ACO2: variants seen among roughly 807,000 people sequenced by gnomAD.
ACO2 encodes aconitase 2.
In ACO2, 31 loss-of-function variants were observed where a neutral mutation model predicts 84.5. The ratio of observed to expected loss-of-function variants is 0.37; its 90% CI spans 0.28 to 0.50. ACO2 has a LOEUF of 0.50. ACO2 is among the 20% of genes least tolerant of loss of function. The pLI, the probability that ACO2 is intolerant of heterozygous loss-of-function variation, is 0.97. For synonymous variants in ACO2, 414 were observed against 412.7 expected (o/e 1.00, Z -0.04); for missense variants, 685 against 1,029.3 (o/e 0.67, Z 4.58).
intron 1 of ACO2, 87 bp downstream of exon 1, chr22:41,469,269 G>C: frequency 2.7e-6 from 4 of 1,497,254 alleles, no homozygotes; most frequent in Middle Eastern, 2.3e-4. Context: ...GGCGAGGCGG[G>C]CCCAACCTGG....
intron 1 of ACO2, among the ~76,000 whole-genome samples, chr22:41,472,332 G>A (rs1205949224): frequency 1.3e-5 from 2 of 149,872 alleles, no homozygotes; most frequent in East Asian, 3.9e-4. Flanking sequence ...CAGCCTGGGT[G>A]ACAGAGTGAG....
In ACO2 at chr22:41,528,383, A is replaced by C; in HGVS notation, c.2209-96A>C. On this transcript the variant is annotated intron_variant, in intron 17 of 17. Coordinates refer to ENST00000216254, the MANE Select transcript of ACO2 (RefSeq NM_001098.3). Reference sequence around the variant, plus strand: ...GATTTGGTTTGCCTGCTGACCTCTTAGGTCCCCAGGCAGTGCCCTGTCTCC... The same window carrying C: ...GATTTGGTTTGCCTGCTGACCTCTTCGGTCCCCAGGCAGTGCCCTGTCTCC... The C allele has an allele frequency of 2.0e-6, 3 of 1,522,374 alleles. No homozygotes were observed. In the Admixed American group the frequency reaches 5.8e-5, roughly 30 times the overall value. The allele number at this position is 1,522,374 out of a possible 1,614,324, so 94.3% of individuals were successfully genotyped here.
chr22:41,518,657 C>T (rs1477990327), intron 8 of ACO2, 85 bp downstream of exon 8: 17 of 1,056,800 alleles, frequency 1.6e-5, no homozygotes, highest in Admixed American at 7.1e-5. Context: ...CACTGAGGGC[C>T]GGGTGGTGGC....
At chr22:41,506,260 T>C (rs1479691059) in intron 2 of ACO2, among the ~76,000 whole-genome samples, 1 of 151,302 alleles carries the variant, frequency 6.6e-6, no homozygotes, top group Non-Finnish European at 1.5e-5. Context: ...GCTCATTCTT[T>C]TTTTTTTTTT....
chr22:41,520,171 C>T lies in ACO2; in HGVS notation c.1033C>T (p.Leu345=). 1 of 1,612,158 alleles carries T rather than the reference C, an allele frequency of 6.2e-7. No homozygotes were observed. The highest frequency in any genetic ancestry group is 8.5e-7 in the Non-Finnish European group (1 of 1,178,602). ...TCTCCTTGCATGTTTGTTTCTTCAG[C>T]TGAAGCCACACATCAATGGGCCCTT... The part of the protein sequence containing the change: ...DQLIEINLSE[L]KPHINGPFTP... Residue 345 remains leucine (L), a splice_region_variant and synonymous_variant, in exon 9 of 18, where the codon CTG becomes TTG. Coordinates refer to ENST00000216254, the MANE Select transcript of ACO2 (RefSeq NM_001098.3).
At chr22:41,522,702 TA>T in intron 9 of ACO2, 127 bp from the exon 10 acceptor site, 4 of 1,074,614 alleles carry the variant, frequency 3.7e-6, no homozygotes, top group South Asian at 1.6e-5. Context: ...TGGTCTCTGT[TA>T]AAAAAGTCTC....
intron 2 of ACO2, among the ~76,000 whole-genome samples, chr22:41,507,001 G>C (rs973606319): frequency 6.6e-6 from 1 of 151,996 alleles, no homozygotes; most frequent in Admixed American, 6.5e-5. Flanking sequence ...GGAGGCTTGT[G>C]GGGAGAAGAC....
Position 41,515,891 on chromosome 22 carries a change from C to A in ACO2, c.809C>A (p.Pro270His), listed in dbSNP as rs17852363. The A allele has an allele frequency of 6.2e-7, 1 of 1,614,152 alleles. No homozygotes were observed. Among genetic ancestry groups the A allele is most frequent in the Non-Finnish European group, 8.5e-7 (1 of 1,179,998 alleles). ...GTGAIVEYHG[P>H]GVDSISCTGM... ...GGTGCAATCGTGGAATACCACGGGCCTGGTGTAGACTCCATCTCCTGCACT... is the reference window on the plus strand; with the variant it reads ...GGTGCAATCGTGGAATACCACGGGCATGGTGTAGACTCCATCTCCTGCACT... The change falls in exon 6 of 18, where the codon CCT becomes CAT. Residue 270 changes from proline to histidine, a missense_variant. Around this residue, in one of 5 missense-constraint regions of ACO2, gnomAD observed 311 missense variants for 441.6 expected, o/e 0.70. Coordinates refer to ENST00000216254, the MANE Select transcript of ACO2 (RefSeq NM_001098.3). The surrounding 1 kb of genome is among the most constrained non-coding windows in gnomAD (Gnocchi z 5.8).
chr22:41,512,088 C>A, intron 4 of ACO2, 120 bp downstream of exon 4: 1 of 637,758 alleles, frequency 1.6e-6, no homozygotes, highest in Non-Finnish European at 2.6e-6. Context: ...ACATATCCAT[C>A]AGCTCTTATG....
intron 7 of ACO2, among the ~76,000 whole-genome samples, chr22:41,518,251 G>A (rs925353763): frequency 6.6e-5 from 10 of 152,156 alleles, no homozygotes; most frequent in African/African-American, 1.4e-4. Context: ...CACCCTCCCC[G>A]GCTCTGAACC....
In ACO2 at chr22:41,527,586, G is replaced by A. The variant is rs575826351; in HGVS notation, c.2086+166G>A. The A allele has an allele frequency of 7.6e-4, 774 of 1,016,608 alleles. 1 individual carries two copies. Among genetic ancestry groups the A allele is most frequent in the Admixed American group, 2.1e-3 (75 of 35,424 alleles). The allele number at this position is 1,016,608 out of a possible 1,614,324, so 63.0% of individuals were successfully genotyped here. A position where few individuals can be genotyped will look rare whatever the true frequency, so the allele number is the denominator to read the frequency against. On this transcript the variant is annotated intron_variant, in intron 16 of 17. Transcript: ENST00000216254. ...TAGGCTCACACAGTGCACATCCGAC[G>A]CTCAGCTTCCCGGCTTCCCGCAGGC... is the stretch of plus-strand genomic sequence containing the variant.
At chr22:41,507,700 T>G in intron 2 of ACO2, 91 bp from the exon 3 acceptor site, 172 of 1,519,460 alleles carry the variant, frequency 1.1e-4, no homozygotes, top group Middle Eastern at 2.2e-4. Flanking sequence ...TGGCCACTGT[T>G]GAGGTTGCCA....
intron 1 of ACO2, among the ~76,000 whole-genome samples, chr22:41,479,955 T>G (rs533282601): frequency 6.6e-6 from 1 of 152,252 alleles, no homozygotes; most frequent in Non-Finnish European, 1.5e-5. Context: ...GGCTTTGACT[T>G]GGAGAGACAT....
chr22:41,509,324 A>C (rs1330373216), intron 3 of ACO2, among the ~76,000 whole-genome samples: 1 of 152,064 alleles, frequency 6.6e-6, no homozygotes, highest in East Asian at 1.9e-4. Flanking sequence ...AACATTCTTT[A>C]TGTGCCAGGC....
Position 41,518,574 on chromosome 22 carries a change from TGAG to T in ACO2, c.1032+6_1032+8del, listed in dbSNP as rs2066494219. 6.2e-7 allele frequency: 1 copy of T among 1,610,490 alleles called. No homozygotes were observed. Among genetic ancestry groups the T allele is most frequent in the African/African-American group, 1.3e-5 (1 of 74,774 alleles). ...CTAATTGAAATTAACCTCAGTGAGG[TGAG>T]GAGACAATTAACTGGGTTCAAGAAG... is the stretch of plus-strand genomic sequence containing the variant. On this transcript the variant is annotated splice_donor_5th_base_variant and intron_variant, in intron 8 of 17. Transcript: ENST00000216254.
chr22:41,511,726 T>G, intron 3 of ACO2, 150 bp from the exon 4 acceptor site: 1 of 562,756 alleles, frequency 1.8e-6, no homozygotes, highest in Non-Finnish European at 3.1e-6. Context: ...CTCTTTGGAA[T>G]TATTTTTAGA....
At chr22:41,527,104 TG>T (rs1473068025) in intron 15 of ACO2, 183 bp from the exon 16 acceptor site, 1 of 828,846 alleles carries the variant, frequency 1.2e-6, no homozygotes, top group African/African-American at 1.7e-5. Context: ...GGGCCTCGTT[TG>T]GGTCTCATTC....
intron 15 of ACO2, 43 bp from the exon 16 acceptor site, chr22:41,527,245 T>C (rs761981404): frequency 1.9e-6 from 3 of 1,613,136 alleles, no homozygotes. Flanking sequence ...GTGAGGACGG[T>C]GCCCTCCTCT....
intron 1 of ACO2, among the ~76,000 whole-genome samples, chr22:41,489,277 C>CAA (rs1400519797): frequency 6.6e-6 from 1 of 152,158 alleles, no homozygotes; most frequent in Non-Finnish European, 1.5e-5. Flanking sequence ...CTCCTGGGCT[C>CAA]AAACCATCCT....
Sources: allele counts gnomAD v4.1 joint callset (sites outside exome capture counted in the v4.1 genomes callset), GRCh38; gene constraint gnomAD v4.1.1; regional missense constraint gnomAD v4.1.1; non-coding constraint Gnocchi (gnomAD v3.1); transcripts MANE v1.5; gene names NCBI Gene and HGNC (gene_info 2026-07-23, HGNC 2026-07-21).